The following CFAP46 variants were observed in gnomAD, a reference collection of about 807,000 sequenced individuals.
CFAP46 encodes cilia and flagella associated protein 46.
Under a neutral mutation model 325.7 loss-of-function variants are expected in CFAP46, and 245 were observed. That is an observed-to-expected ratio of 0.75 (90% CI 0.68 to 0.84). The LOEUF is 0.84. Ranked by LOEUF, CFAP46 falls within the 40% of genes least tolerant of loss-of-function variation. The pLI is 0.00. For missense variants in CFAP46, 3,346 were observed against 3,543.0 expected (o/e 0.94, Z 1.41); for synonymous variants, 1,523 against 1,495.9 (o/e 1.02, Z -0.42).
chr10:132,940,931 G>A, intron 4 of CFAP46, 65 bp downstream of exon 4: 1 of 1,500,472 alleles, frequency 6.7e-7, no homozygotes, highest in Non-Finnish European at 9.3e-7. Context: ...ACACCCACTT[G>A]ATAAGTTCTG....
intron 5 of CFAP46, among the ~76,000 whole-genome samples, chr10:132,938,084 G>T (rs891893683): frequency 6.6e-6 from 1 of 152,172 alleles, no homozygotes; most frequent in Non-Finnish European, 1.5e-5. Context: ...GCTCGGACCC[G>T]TTTCCTTTCC....
intron 28 of CFAP46, among the ~76,000 whole-genome samples, 179 bp downstream of exon 28, chr10:132,880,653 TGAGACACGTCAGGGGCCCCTGCAGAGGAC>T: frequency 1.9e-5 from 1 of 52,880 alleles, no homozygotes; most frequent in South Asian, 5.0e-4. Context: ...AGGACAGCAC[TGAGACACGTCAGGGGCCCCTGCAGAGGAC>T]AGCACTGAGA....
At chr10:132,904,506 C>T (rs1363134668) in intron 22 of CFAP46, among the ~76,000 whole-genome samples, 2 of 152,262 alleles carry the variant, frequency 1.3e-5, no homozygotes, top group Admixed American at 1.3e-4. Flanking sequence ...CATATGACTT[C>T]TCCTTTTCCC....
rs1207829805 is a variant in CFAP46, at chr10:132,922,108, G to A, written c.1602C>T (p.Ala534=). 14 of 1,550,148 alleles carry A rather than the reference G, an allele frequency of 9.0e-6. No homozygotes were observed. Among genetic ancestry groups the A allele is most frequent in the Non-Finnish European group, 1.2e-5 (14 of 1,146,854 alleles). The change falls in exon 13 of 58, where the codon GCC becomes GCT. Residue 534 remains alanine (A), a synonymous_variant. Coordinates refer to ENST00000368586, the MANE Select transcript of CFAP46 (RefSeq NM_001200049.3). ...FQIVLDSENE[A]KVSTGKNRGR... The stretch of plus-strand genomic sequence containing the variant: ...AGAGCCCAGTGCAGAGCTCACCTTT[G>A]GCCTCATTCTCACTGTCCAGCACAA...
chr10:132,860,307 C>T (rs59293160), intron 37 of CFAP46, 110 bp downstream of exon 37: 30,039 of 720,174 alleles, frequency 0.042, 2,734 homozygotes, highest in African/African-American at 0.29. Context: ...GGCCCCATGA[C>T]GTGGGTCTCT....
chr10:132,833,565 G>C (rs766255845), intron 49 of CFAP46, 40 bp from the exon 50 acceptor site: 3 of 1,589,086 alleles, frequency 1.9e-6, no homozygotes, highest in South Asian at 1.1e-5. Flanking sequence ...TCCTGAAGAC[G>C]GGACCCCTCC....
chr10:132,858,386 G>T (rs1848677061), intron 38 of CFAP46, among the ~76,000 whole-genome samples: 1 of 150,830 alleles, frequency 6.6e-6, no homozygotes, highest in Non-Finnish European at 1.5e-5. Context: ...AGGCTTTGCT[G>T]GGGGTGGCCC....
At chr10:132,920,661 C>A (rs1256119478) in intron 13 of CFAP46, among the ~76,000 whole-genome samples, 2 of 152,200 alleles carry the variant, frequency 1.3e-5, no homozygotes, top group Non-Finnish European at 2.9e-5. Flanking sequence ...GGGGGGCCTC[C>A]TGTGCATGGG....
At position 132,939,229 on chromosome 10, in the gene CFAP46, A is replaced by C. The variant is rs1284403647; in HGVS notation, c.372-476T>G. Among the ~76,000 whole-genome samples, 2 of 152,198 alleles carry C rather than the reference A, an allele frequency of 1.3e-5. No homozygotes were observed. Among genetic ancestry groups the C allele is most frequent in the African/African-American group, 4.8e-5 (2 of 41,458 alleles). On this transcript the variant is annotated intron_variant, in intron 4 of 57. Transcript: ENST00000368586. The surrounding 1 kb of genome is among the most constrained non-coding windows in gnomAD (Gnocchi z 4.6). ...AAAGATGTCAGGAGGCAGCCAAGAC[A>C]GTAGTAGAGGAAAAGAAGGTCAGGA...
rs1848078108 is a variant in CFAP46, at chr10:132,827,536, C to A, written c.7117+5822G>T. Among the ~76,000 whole-genome samples, 2 of 152,016 alleles carry A rather than the reference C, an allele frequency of 1.3e-5. No individual in the cohort carries two copies. Among genetic ancestry groups the A allele is most frequent in the Non-Finnish European group, 2.9e-5 (2 of 68,028 alleles). On this transcript the variant is annotated intron_variant, in intron 50 of 57. Transcript: ENST00000368586. The surrounding 1 kb of genome is among the most constrained non-coding windows in gnomAD (Gnocchi z 5.7). ...CTCACAAGCAGGAGACTCCACGAGG[C>A]CTTGGGGTCACAGGAAGGCTCGGAG...
At chr10:132,875,701 C>T (rs1013843600) in intron 31 of CFAP46, among the ~76,000 whole-genome samples, 2 of 152,178 alleles carry the variant, frequency 1.3e-5, no homozygotes, top group African/African-American at 4.8e-5. Context: ...CCCTACCTCA[C>T]ACCACACACA....
intron 25 of CFAP46, among the ~76,000 whole-genome samples, chr10:132,887,461 CCTCTT>C (rs1204214208): frequency 8.7e-6 from 1 of 114,962 alleles, no homozygotes; most frequent in Non-Finnish European, 1.8e-5. Context: ...TCTCCTCTCC[CCTCTT>C]CTCTCTCTCC....
chr10:132,847,802 C>A lies in CFAP46; in HGVS notation c.5953-481G>T, dbSNP rs984348125. On this transcript the variant is annotated intron_variant, in intron 41 of 57. Coordinates refer to ENST00000368586, the MANE Select transcript of CFAP46 (RefSeq NM_001200049.3). The surrounding 1 kb of genome is among the most constrained non-coding windows in gnomAD (Gnocchi z 5.2). ...TGAAGAACCTGGGTTGAGAGGGAGC[C>A]CCCTGGGTTTTCGGGACACAAGGTA... Among the ~76,000 whole-genome samples, 1 of 152,090 alleles carries A rather than the reference C, an allele frequency of 6.6e-6. No homozygotes were observed. The highest frequency in any genetic ancestry group is 2.4e-5 in the African/African-American group (1 of 41,418).
At position 132,812,887 on chromosome 10, in the gene CFAP46, A is replaced by T. The variant is rs1165820826; in HGVS notation, c.7399T>A (p.Trp2467Arg). ...CTGCAGCTGCCCAGGGCCTGCTCCC[A>T]CTGGGCCTGGCTGCAGAGAGAGGAG... ...GSKHFPSQAQWEQALGSCSGF... is the reference protein window; with the variant it reads ...GSKHFPSQAQREQALGSCSGF... The change falls in exon 55 of 58, where the codon TGG becomes AGG. Residue 2467 changes from tryptophan (W) to arginine (R), a missense_variant. By Grantham distance (101) the Trp-to-Arg change is moderately radical (BLOSUM62 -3). Transcript: ENST00000368586. 6.2e-7 allele frequency: 1 copy of T among 1,607,728 alleles called. No individual in the cohort carries two copies.
chr10:132,884,486 C>T lies in CFAP46; in HGVS notation c.3627+617G>A, dbSNP rs1408675098. On this transcript the variant is annotated intron_variant, in intron 27 of 57. Coordinates refer to ENST00000368586, the MANE Select transcript of CFAP46 (RefSeq NM_001200049.3). The surrounding 1 kb of genome is among the most constrained non-coding windows in gnomAD (Gnocchi z 5.4). ...CTTCACTAATGTTGAAAGGTTCATG[C>T]CTTTCACACCAGGGGCCTGGGATGC... Among the ~76,000 whole-genome samples, 6 of 152,190 alleles carry T rather than the reference C, an allele frequency of 3.9e-5. No individual in the cohort carries two copies. Among genetic ancestry groups the T allele is most frequent in the Non-Finnish European group, 8.8e-5 (6 of 68,020 alleles).
Position 132,886,329 on chromosome 10 carries a change from C to T in CFAP46, c.3305-370G>A, listed in dbSNP as rs920320405. The stretch of plus-strand genomic sequence containing the variant: ...TCAGGAGTTGCATGGAAAGCTCCCC[C>T]GCGGCCGAGGACACAGCGCCACGTG... On this transcript the variant is annotated intron_variant, in intron 25 of 57. Transcript: ENST00000368586. This position sits in a 1 kb window ranked among gnomAD's most constrained non-coding sequence, Gnocchi z 5.8. Among the ~76,000 whole-genome samples, 4 of 152,198 alleles carry T rather than the reference C, an allele frequency of 2.6e-5. No homozygotes were observed. The highest frequency in any genetic ancestry group is 6.5e-5 in the Admixed American group (1 of 15,290).
chr10:132,942,198 G>T, intron 1 of CFAP46, 94 bp from the exon 2 acceptor site: 1 of 1,471,130 alleles, frequency 6.8e-7, no homozygotes, highest in Non-Finnish European at 9.1e-7. Flanking sequence ...CAGCCGCCTT[G>T]GGCCCCCGGG....
chr10:132,938,432 A>G (rs1408449018), intron 5 of CFAP46, among the ~76,000 whole-genome samples, 157 bp downstream of exon 5: 1 of 152,178 alleles, frequency 6.6e-6, no homozygotes, highest in Non-Finnish European at 1.5e-5. Flanking sequence ...ACCTTCGGAC[A>G]AGACACACAG....
At chr10:132,895,272 T>C (rs73393264) in intron 24 of CFAP46, among the ~76,000 whole-genome samples, 12,263 of 152,172 alleles carry the variant, frequency 0.081, 1,277 homozygotes, top group African/African-American at 0.24. Flanking sequence ...TATTTCATGA[T>C]AAAAACTCTC....
Sources: gnomAD v4.1 joint callset for allele counts (sites outside exome capture counted in the v4.1 genomes callset) on GRCh38, gnomAD v4.1.1 for gene constraint, Gnocchi (gnomAD v3.1) non-coding constraint, MANE v1.5 for transcripts, NCBI Gene and HGNC (gene_info 2026-07-23, HGNC 2026-07-21) for gene names.